SMURF1: variants seen among roughly 807,000 people sequenced by gnomAD.
The protein encoded by SMURF1 is E3 ubiquitin-protein ligase SMURF1.
A neutral mutation model predicts 98.0 loss-of-function variants in SMURF1; 44 were observed. That is an observed-to-expected ratio of 0.45 (90% CI 0.35 to 0.58). The LOEUF (loss-of-function observed/expected upper bound fraction) is 0.58. Ranked by LOEUF, SMURF1 falls within the 20% of genes least tolerant of loss-of-function variation. SMURF1 has a pLI of 0.00. For missense variants in SMURF1, 687 were observed against 938.4 expected, an observed-to-expected ratio of 0.73 and a Z score of 3.50; for synonymous variants, 396 against 374.9, an observed-to-expected ratio of 1.06 and a Z score of -0.65.
At chr7:99,041,334 A>G (rs539312030) in intron 12 of SMURF1, among the ~76,000 whole-genome samples, 17 of 152,252 alleles carry the variant, frequency 1.1e-4, no homozygotes, top group South Asian at 6.2e-4. Flanking sequence ...CCTGGGAGGC[A>G]GAGGTTGCAG....
At chr7:99,083,293 G>A (rs1024732928) in intron 1 of SMURF1, among the ~76,000 whole-genome samples, 1 of 152,236 alleles carries the variant, frequency 6.6e-6, no homozygotes, top group East Asian at 1.9e-4. Context: ...TTAGCATTTT[G>A]TACTGTTCCA....
At chr7:99,073,027 T>C (rs954464493) in intron 1 of SMURF1, among the ~76,000 whole-genome samples, 6 of 152,222 alleles carry the variant, frequency 3.9e-5, no homozygotes, top group Admixed American at 6.5e-5. Context: ...AACTGATCCA[T>C]CTCCTCAATG....
At chr7:99,080,802 C>A (rs1167296788) in intron 1 of SMURF1, among the ~76,000 whole-genome samples, 1 of 152,128 alleles carries the variant, frequency 6.6e-6, no homozygotes, top group African/African-American at 2.4e-5. Flanking sequence ...CCAGTGCTGC[C>A]AACATCTCCT....
chr7:99,084,580 G>A (rs750081609), intron 1 of SMURF1, among the ~76,000 whole-genome samples: 41 of 152,066 alleles, frequency 2.7e-4, no homozygotes, highest in African/African-American at 6.5e-4. Flanking sequence ...TCAATAGCCC[G>A]TGAATATATG....
intron 10 of SMURF1, among the ~76,000 whole-genome samples, chr7:99,046,805 G>T (rs1337323751): frequency 1.3e-5 from 2 of 151,832 alleles, no homozygotes; most frequent in Admixed American, 6.6e-5. Flanking sequence ...AAACGAGCTG[G>T]TAGTGAAGTC....
chr7:99,139,322 T>C (rs1298235805), intron 1 of SMURF1, among the ~76,000 whole-genome samples: 1 of 152,202 alleles, frequency 6.6e-6, no homozygotes, highest in African/African-American at 2.4e-5. Context: ...GGAAAGTCTC[T>C]TTGTTCCTCT....
intron 1 of SMURF1, among the ~76,000 whole-genome samples, chr7:99,063,277 A>ATATATATATATATATATAAGATT (rs1796103124): frequency 9.9e-5 from 2 of 20,300 alleles, no homozygotes; most frequent in Admixed American, 1.5e-3. Flanking sequence ...ATATATATAT[A>ATATATATATATATATATAAGATT]TATATATATA....
intron 1 of SMURF1, among the ~76,000 whole-genome samples, chr7:99,113,784 A>G (rs949215123): frequency 7.6e-6 from 1 of 131,500 alleles, no homozygotes; most frequent in Non-Finnish European, 1.6e-5. Context: ...GCTTGCAGTG[A>G]GCCGAGATCA....
At chr7:99,108,859 G>C (rs916009601) in intron 1 of SMURF1, among the ~76,000 whole-genome samples, 2 of 152,030 alleles carry the variant, frequency 1.3e-5, no homozygotes, top group African/African-American at 4.8e-5. Flanking sequence ...ACAAATTTGT[G>C]GCGTGACCGG....
intron 12 of SMURF1, among the ~76,000 whole-genome samples, chr7:99,041,869 AGTG>A (rs2150511189): frequency 6.6e-6 from 1 of 152,366 alleles, no homozygotes; most frequent in African/African-American, 2.4e-5. Flanking sequence ...ACAAAGTGTG[AGTG>A]TATGAACAGC....
At chr7:99,038,254 T>A (rs1042916561) in intron 14 of SMURF1, 134 bp downstream of exon 14, 177 of 1,102,286 alleles carry the variant, frequency 1.6e-4, no homozygotes, top group Non-Finnish European at 2.1e-4. Flanking sequence ...GAAAGTCGCC[T>A]CTGTTCATGT....
At position 99,037,108 on chromosome 7, in the gene SMURF1, G is replaced by A. The variant is rs748498881; in HGVS notation, c.1768C>T (p.Pro590Ser). ...ALQKGFNELI[P>S]QHLLKPFDQK... The stretch of plus-strand genomic sequence containing the variant: ...TCAAAAGGCTTCAGCAGATGTTGAG[G>A]GATGAGCTCATTGAACCCCTTCTGC... Residue 590 changes from proline to serine, a missense_variant, in exon 15 of 18, where the codon CCT (proline) becomes TCT (serine). Physicochemically the swap from Pro to Ser is moderately conservative, Grantham distance 74. Transcript: ENST00000361368. 6.2e-7 allele frequency: 1 copy of A among 1,614,128 alleles called. No homozygotes were observed. The highest frequency in any genetic ancestry group is 2.2e-5 in the East Asian group (1 of 44,882).
At position 99,089,359 on chromosome 7, in the gene SMURF1, T is replaced by G. The variant is rs550290805; in HGVS notation, c.56-27522A>C. 3.3e-5 allele frequency among the ~76,000 whole-genome samples: 5 copies of G among 151,140 alleles called. No individual in the cohort carries two copies. The East Asian group carries it at 8.0e-4, about 24-fold the overall frequency. On this transcript the variant is annotated intron_variant, in intron 1 of 17. Transcript: ENST00000361368. Reference sequence around the variant, plus strand: ...TTTTTTTATTTTAAAAACTGTATTTTAAAATACAGTGGCTCACACCTGTAA... The same window carrying G: ...TTTTTTTATTTTAAAAACTGTATTTGAAAATACAGTGGCTCACACCTGTAA...
At chr7:99,047,965 G>A in intron 9 of SMURF1, 83 bp from the exon 10 acceptor site, 3 of 1,277,958 alleles carry the variant, frequency 2.3e-6, no homozygotes, top group Non-Finnish European at 3.4e-6. Context: ...CAGGGTCAGA[G>A]GAGAGAGCTA....
intron 1 of SMURF1, among the ~76,000 whole-genome samples, chr7:99,127,757 G>C (rs182823036): frequency 6.6e-5 from 10 of 152,122 alleles, no homozygotes; most frequent in Non-Finnish European, 1.3e-4. Context: ...ATTTATTCTA[G>C]TATGAGAAAC....
chr7:99,116,693 T>C (rs1179857580), intron 1 of SMURF1, among the ~76,000 whole-genome samples: 1 of 152,214 alleles, frequency 6.6e-6, no homozygotes, highest in African/African-American at 2.4e-5. Flanking sequence ...AATTACATTA[T>C]TGAAAGAAAC....
intron 1 of SMURF1, chr7:99,120,900 T>C (rs1188014561): frequency 6.6e-6 from 1 of 151,808 alleles, no homozygotes; most frequent in Non-Finnish European, 1.5e-5. Flanking sequence ...GATTTGTTTT[T>C]TTTTTTTCCC....
In SMURF1 at chr7:99,055,444, G is replaced by A. The variant is rs528678043; in HGVS notation, c.404-579C>T. On this transcript the variant is annotated intron_variant, in intron 5 of 17. Coordinates refer to ENST00000361368, the MANE Select transcript of SMURF1 (RefSeq NM_181349.3). ...GATCGCGCCACTGAACTGCAGCAGG[G>A]GTGACAGAGTGAGACTCTGTCTCCA... Among the ~76,000 whole-genome samples the A allele has an allele frequency of 4.8e-4, 73 of 151,350 alleles. No homozygotes were observed. In the Middle Eastern group the frequency reaches 0.017, roughly 35 times the overall value.
At chr7:99,033,415 A>G (rs572945261) in intron 16 of SMURF1, among the ~76,000 whole-genome samples, 3 of 152,306 alleles carry the variant, frequency 2.0e-5, no homozygotes, top group African/African-American at 7.2e-5. Context: ...GGTTCAAGCA[A>G]TTCTCCTGCC....
Sources: gnomAD v4.1 joint callset for allele counts (sites outside exome capture counted in the v4.1 genomes callset) on GRCh38, gnomAD v4.1.1 for gene constraint, MANE v1.5 for transcripts, NCBI Gene and HGNC (gene_info 2026-07-23, HGNC 2026-07-21) for gene names.